SP4: variants seen among roughly 807,000 people sequenced by gnomAD.
The protein encoded by SP4 is transcription factor Sp4.
In SP4, 19 loss-of-function variants were observed where a neutral mutation model predicts 72.8. The observed-to-expected ratio is 0.26, with a 90% CI of 0.18 to 0.38. The LOEUF is 0.38. Ranked by LOEUF, SP4 falls within the 10% of genes least tolerant of loss-of-function variation. The pLI is 1.00. For missense variants in SP4, 1,008 were observed against 926.3 expected (o/e 1.09, Z -1.14); for synonymous variants, 395 against 333.1 (o/e 1.19, Z -2.02).
In SP4 at chr7:21,512,584, T is replaced by G. The variant is rs1782177278; in HGVS notation, c.*1315T>G. 1 of 142,496 alleles carries G rather than the reference T, an allele frequency of 7.0e-6. No homozygotes were observed. Among genetic ancestry groups the G allele is most frequent in the South Asian group, 2.2e-4 (1 of 4,498 alleles). The allele number at this position is 142,496 out of a possible 1,614,324, so 8.8% of individuals were successfully genotyped here. ...GGTCTTTTTTTTTTTTTTTTTGAGA[T>G]GGAGTCTCGCTCTCTTGCCCAGGCT... is the stretch of plus-strand genomic sequence containing the variant. On this transcript the variant is annotated 3_prime_UTR_variant, in exon 6 of 6. Coordinates refer to ENST00000222584, the MANE Select transcript of SP4 (RefSeq NM_003112.5).
chr7:21,466,664 G>A (rs1355008287), intron 3 of SP4, among the ~76,000 whole-genome samples: 2 of 152,194 alleles, frequency 1.3e-5, no homozygotes, highest in African/African-American at 2.4e-5. Flanking sequence ...AAGAGATACA[G>A]AAGGTACTCG....
chr7:21,509,937 A>G (rs1289094963), intron 5 of SP4, among the ~76,000 whole-genome samples: 1 of 152,228 alleles, frequency 6.6e-6, no homozygotes. Flanking sequence ...ATCATGGTGG[A>G]GGGCAAAGAG....
intron 4 of SP4, among the ~76,000 whole-genome samples, chr7:21,481,059 G>A (rs1784671313): frequency 1.3e-5 from 2 of 152,146 alleles, no homozygotes; most frequent in African/African-American, 4.8e-5. Flanking sequence ...GCCTCTCCTG[G>A]CTTAGAACTT....
In SP4 at chr7:21,472,541, C is replaced by T. The variant is rs531915913; in HGVS notation, c.1679-4538C>T. 2.6e-5 allele frequency among the ~76,000 whole-genome samples: 4 copies of T among 152,152 alleles called. No individual in the cohort carries two copies. The South Asian group carries it at 8.3e-4, about 32-fold the overall frequency. ...CTCCTGGGCTCAAGCAGTCCTCCTG[C>T]CTCGGCCTCCCAAAGTGCGGGGATT... On this transcript the variant is annotated intron_variant, in intron 3 of 5. Transcript: ENST00000222584.
chr7:21,460,606 C>A (rs1477816052), intron 3 of SP4, among the ~76,000 whole-genome samples: 1 of 152,152 alleles, frequency 6.6e-6, no homozygotes, highest in African/African-American at 2.4e-5. Flanking sequence ...CTTATCTGGC[C>A]CCACCCACAT....
chr7:21,435,123 G>T (rs1165901123), intron 3 of SP4, among the ~76,000 whole-genome samples: 2 of 152,092 alleles, frequency 1.3e-5, no homozygotes, highest in East Asian at 3.9e-4. Context: ...CTTATTTTTG[G>T]CAGTAATCAT....
intron 5 of SP4, among the ~76,000 whole-genome samples, chr7:21,496,072 G>A (rs1056408653): frequency 7.9e-5 from 12 of 152,118 alleles, no homozygotes; most frequent in African/African-American, 2.9e-4. Context: ...GAACAGATTT[G>A]TGTTTTCTAG....
At chr7:21,451,891 A>T (rs1465949095) in intron 3 of SP4, among the ~76,000 whole-genome samples, 12 of 152,238 alleles carry the variant, frequency 7.9e-5, no homozygotes, top group Admixed American at 2.6e-4. Flanking sequence ...CATGCCAGGC[A>T]GGTGGCTGCA....
intron 5 of SP4, among the ~76,000 whole-genome samples, chr7:21,484,576 C>T (rs752445173): frequency 9.9e-5 from 15 of 151,796 alleles, no homozygotes; most frequent in African/African-American, 3.6e-4. Flanking sequence ...GTATATACAC[C>T]ATTGACGTTG....
chr7:21,428,527 T>C (rs1782705315), intron 1 of SP4, 150 bp from the exon 2 acceptor site: 13 of 914,878 alleles, frequency 1.4e-5, no homozygotes, highest in South Asian at 6.9e-5. Context: ...CTTCCCTCCT[T>C]CTCCCCCACC....
intron 3 of SP4, among the ~76,000 whole-genome samples, chr7:21,449,598 T>C (rs926698985): frequency 1.3e-5 from 2 of 152,214 alleles, no homozygotes; most frequent in Non-Finnish European, 2.9e-5. Context: ...CATGCATATG[T>C]ATAATGTATG....
intron 3 of SP4, among the ~76,000 whole-genome samples, chr7:21,459,379 A>G (rs945934611): frequency 1.3e-5 from 2 of 152,118 alleles, no homozygotes; most frequent in African/African-American, 2.4e-5. Flanking sequence ...TCAGCCTCCT[A>G]AAGTGCTGGG....
In SP4 at chr7:21,428,179, TCCCGCC is replaced by T; in HGVS notation, c.-72_-67del. The T allele has an allele frequency of 1.7e-6, 1 of 600,794 alleles. No individual in the cohort carries two copies. 37.2% of individuals were successfully genotyped at this position (600,794 alleles called of 1,614,324 possible). A position where few individuals can be genotyped will look rare whatever the true frequency, so the allele number is the denominator to read the frequency against. ...GCGGGCGGGCGGGACCGGCCTCTCC[TCCCGCC>T]TCGCCCCCACCCCCACCCACCTCTA... On this transcript the variant is annotated 5_prime_UTR_variant, in exon 1 of 6. Transcript: ENST00000222584.
At chr7:21,436,963 C>T (rs1159179290) in intron 3 of SP4, among the ~76,000 whole-genome samples, 1 of 152,134 alleles carries the variant, frequency 6.6e-6, no homozygotes, top group Non-Finnish European at 1.5e-5. Context: ...CTTGACTTCT[C>T]CTCCAGTTGT....
At chr7:21,463,076 CTTT>C (rs578120285) in intron 3 of SP4, among the ~76,000 whole-genome samples, 14 of 137,804 alleles carry the variant, frequency 1.0e-4, no homozygotes, top group Non-Finnish European at 7.9e-5. Flanking sequence ...AATAACTTTT[CTTT>C]TTTTTTTTTT....
Position 21,511,476 on chromosome 7 carries a change from G to C in SP4, c.*207G>C, listed in dbSNP as rs376529085. 9.3e-6 allele frequency: 5 copies of C among 538,926 alleles called. No individual in the cohort carries two copies. Among genetic ancestry groups the C allele is most frequent in the Admixed American group, 3.4e-5 (1 of 29,530 alleles). The allele number at this position is 538,926 out of a possible 1,614,324, so 33.4% of individuals were successfully genotyped here. Reference sequence around the variant, plus strand: ...AGACTGATGTACTGGAAACAGAAAAGTATTTCCTCCATACTATAAGTTGTA... The same window carrying C: ...AGACTGATGTACTGGAAACAGAAAACTATTTCCTCCATACTATAAGTTGTA... On this transcript the variant is annotated 3_prime_UTR_variant, in exon 6 of 6. Coordinates refer to ENST00000222584, the MANE Select transcript of SP4 (RefSeq NM_003112.5).
intron 3 of SP4, chr7:21,471,239 A>C (rs1784332977): frequency 2.0e-5 from 8 of 402,354 alleles, no homozygotes; most frequent in South Asian, 1.4e-4. Context: ...GAATGTATGG[A>C]GGGCCCATTG....
chr7:21,495,023 G>C (rs988317106), intron 5 of SP4, among the ~76,000 whole-genome samples: 1 of 152,064 alleles, frequency 6.6e-6, no homozygotes, highest in Non-Finnish European at 1.5e-5. Context: ...TTGTATAGAA[G>C]AATTAGCCAT....
At chr7:21,504,739 A>G (rs548842740) in intron 5 of SP4, among the ~76,000 whole-genome samples, 1 of 152,186 alleles carries the variant, frequency 6.6e-6, no homozygotes, top group South Asian at 2.1e-4. Flanking sequence ...TGTTCAAACT[A>G]TCTCCCGGCT....
Sources: gnomAD v4.1 joint callset for allele counts (sites outside exome capture counted in the v4.1 genomes callset) on GRCh38, gnomAD v4.1.1 for gene constraint, MANE v1.5 for transcripts, NCBI Gene and HGNC (gene_info 2026-07-23, HGNC 2026-07-21) for gene names.